The following MROH9 variants were observed in gnomAD, a reference collection of about 807,000 sequenced individuals.
MROH9 encodes the protein maestro heat-like repeat-containing protein family member 9.
Under a neutral mutation model 98.2 loss-of-function variants are expected in MROH9, and 92 were observed. The observed-to-expected ratio is 0.94, with a 90% CI of 0.79 to 1.11. The LOEUF (loss-of-function observed/expected upper bound fraction) is 1.11. Among genes scored for constraint, MROH9 ranks in the 50% most tolerant of loss-of-function variants. The pLI is 0.00. For synonymous variants in MROH9, 397 were observed against 368.9 expected (o/e 1.08, Z -0.87); for missense variants, 1,057 against 1,014.8 (o/e 1.04, Z -0.57).
At chr1:170,968,868 C>T (rs568290913) in intron 7 of MROH9, among the ~76,000 whole-genome samples, 5 of 152,280 alleles carry the variant, frequency 3.3e-5, no homozygotes, top group African/African-American at 4.8e-5. Flanking sequence ...ATGGCCTATA[C>T]ATTGAATAAT....
intron 12 of MROH9, 56 bp from the exon 13 acceptor site, chr1:170,995,333 G>C (rs890625596): frequency 1.3e-6 from 2 of 1,599,934 alleles, no homozygotes; most frequent in East Asian, 4.5e-5. Context: ...CAGTAAGGTT[G>C]ACCGGGTTTA....
chr1:170,995,260 G>A (rs1452238153), intron 12 of MROH9, 129 bp from the exon 13 acceptor site: 10 of 923,726 alleles, frequency 1.1e-5, no homozygotes, highest in Middle Eastern at 2.5e-4. Context: ...ATACCCATAT[G>A]TGCTTTAGGT....
At chr1:171,036,415 A>C (rs1478143625) in intron 20 of MROH9, among the ~76,000 whole-genome samples, 1 of 152,104 alleles carries the variant, frequency 6.6e-6, no homozygotes, top group Admixed American at 6.6e-5. Flanking sequence ...AAGTGTGTGA[A>C]ATAATGGGAA....
chr1:171,015,033 C>A (rs2101832960), intron 16 of MROH9: 1 of 471,806 alleles, frequency 2.1e-6, no homozygotes, highest in Admixed American at 2.3e-5. Context: ...AAGCACGTTC[C>A]ATTTTCTGTA....
At chr1:171,031,199 C>G (rs1557905919) in intron 20 of MROH9, among the ~76,000 whole-genome samples, 1 of 152,174 alleles carries the variant, frequency 6.6e-6, no homozygotes. Context: ...AGATGGCTCT[C>G]CTGAATACAG....
chr1:171,006,986 T>G (rs1192560674), intron 15 of MROH9, among the ~76,000 whole-genome samples: 1 of 151,420 alleles, frequency 6.6e-6, no homozygotes, highest in Non-Finnish European at 1.5e-5. Context: ...GGTCAACTAC[T>G]GGAGCTTTAT....
chr1:170,973,137 G>C (rs538658800), intron 8 of MROH9, among the ~76,000 whole-genome samples: 2 of 151,924 alleles, frequency 1.3e-5, no homozygotes, highest in African/African-American at 4.8e-5. Context: ...ACACACGCAC[G>C]CACAAACCCA....
Position 170,961,895 on chromosome 1 carries a change from A to G in MROH9, c.294A>G (p.Leu98=), listed in dbSNP as rs930881641. The G allele has an allele frequency of 6.8e-7, 1 of 1,470,616 alleles. No homozygotes were observed. The highest frequency in any genetic ancestry group is 9.2e-7 in the Non-Finnish European group (1 of 1,087,922). 91.1% of individuals were successfully genotyped at this position (1,470,616 alleles called of 1,614,324 possible). The change falls in exon 6 of 22, where the codon TTA becomes TTG. Residue 98 remains leucine, a synonymous_variant. Coordinates refer to ENST00000367759, the MANE Select transcript of MROH9 (RefSeq NM_001163629.2). ...GCAATGTTTTTGTGTTTCAGAATTT[A>G]TACCACAATATTTTAAATATATATG... is the stretch of plus-strand genomic sequence containing the variant. The part of the protein sequence containing the change: ...SYEYIEDMEN[L]YHNILNIYEN...
intron 3 of MROH9, among the ~76,000 whole-genome samples, chr1:170,956,595 G>GTTTTTTT (rs5778690): frequency 9.6e-6 from 1 of 104,608 alleles, no homozygotes; most frequent in African/African-American, 3.8e-5. Context: ...TTTTTTTTTT[G>GTTTTTTT]TTTTTTTTTT....
intron 15 of MROH9, among the ~76,000 whole-genome samples, chr1:171,001,476 A>G (rs2101819706): frequency 6.6e-6 from 1 of 152,192 alleles, no homozygotes; most frequent in African/African-American, 2.4e-5. Flanking sequence ...AAACTTTTTT[A>G]AATTTCCATC....
Position 171,016,345 on chromosome 1 carries a change from C to T in MROH9, c.1908+9C>T. On this transcript the variant is annotated intron_variant, in intron 17 of 21. Coordinates refer to ENST00000367759, the MANE Select transcript of MROH9 (RefSeq NM_001163629.2). ...GTACTCTGATGGATCATGTGAGTTA[C>T]ACAGTTAGATATGTGAGATCATTAG... The T allele has an allele frequency of 6.8e-7, 1 of 1,476,474 alleles. No homozygotes were observed. The highest frequency in any genetic ancestry group is 9.0e-7 in the Non-Finnish European group (1 of 1,111,366). 91.5% of individuals were successfully genotyped at this position (1,476,474 alleles called of 1,614,324 possible).
At chr1:171,006,530 C>T (rs538251458) in intron 15 of MROH9, among the ~76,000 whole-genome samples, 18 of 152,096 alleles carry the variant, frequency 1.2e-4, no homozygotes, top group Admixed American at 2.0e-4. Flanking sequence ...ACTTCTGGAA[C>T]TCCTATAGGA....
chr1:171,038,844 G>A (rs572493001), intron 20 of MROH9, among the ~76,000 whole-genome samples: 1 of 152,088 alleles, frequency 6.6e-6, no homozygotes, highest in Non-Finnish European at 1.5e-5. Flanking sequence ...GGGGATCATG[G>A]TGTTAACAGC....
chr1:170,973,287 G>T (rs1650546441), intron 8 of MROH9, among the ~76,000 whole-genome samples: 1 of 152,138 alleles, frequency 6.6e-6, no homozygotes, highest in African/African-American at 2.4e-5. Context: ...AAGATTCAGT[G>T]CTCAACAAAG....
chr1:171,012,342 G>C (rs898739276), intron 15 of MROH9, among the ~76,000 whole-genome samples: 6 of 151,968 alleles, frequency 3.9e-5, no homozygotes, highest in Non-Finnish European at 5.9e-5. Flanking sequence ...TTTTTGTGAA[G>C]CTTCTCTGAA....
At chr1:170,971,703 T>C (rs1191376663) in intron 7 of MROH9, 45 bp from the exon 8 acceptor site, 3 of 1,600,698 alleles carry the variant, frequency 1.9e-6, no homozygotes, top group South Asian at 2.2e-5. Context: ...ATTTTCATAT[T>C]GGCTATGCAT....
intron 7 of MROH9, among the ~76,000 whole-genome samples, chr1:170,967,078 G>T (rs763847586): frequency 2.0e-5 from 3 of 152,004 alleles, no homozygotes; most frequent in Non-Finnish European, 4.4e-5. Context: ...ATTCTCCTTT[G>T]CATACATCCC....
intron 20 of MROH9, among the ~76,000 whole-genome samples, chr1:171,041,343 C>T (rs980383366): frequency 2.0e-4 from 17 of 85,694 alleles, no homozygotes; most frequent in African/African-American, 7.5e-4. Context: ...AGTAGTATTC[C>T]ATGATGTGTG....
At chr1:170,955,011 G>A (rs1410581646) in intron 3 of MROH9, among the ~76,000 whole-genome samples, 1 of 151,920 alleles carries the variant, frequency 6.6e-6, no homozygotes, top group African/African-American at 2.4e-5. Flanking sequence ...TCATTCTTAT[G>A]CCTTTGCATC....
Sources: allele counts gnomAD v4.1 joint callset (sites outside exome capture counted in the v4.1 genomes callset), GRCh38; gene constraint gnomAD v4.1.1; transcripts MANE v1.5; gene names NCBI Gene and HGNC (gene_info 2026-07-23, HGNC 2026-07-21).